The following JADE3 variants were observed in gnomAD, a reference collection of about 807,000 sequenced individuals.
JADE3 encodes the protein protein Jade-3.
In JADE3, 2 loss-of-function variants were observed where a neutral mutation model predicts 50.1. The observed-to-expected ratio is 0.04, with a 90% confidence interval of 0.02 to 0.13. JADE3 has a LOEUF of 0.13. Ranked by LOEUF, JADE3 falls within the 10% of genes least tolerant of loss-of-function variation. The pLI is 1.00. For synonymous variants in JADE3, 218 were observed against 232.9 expected (o/e 0.94, Z 0.58); for missense variants, 475 against 634.4 (o/e 0.75, Z 2.70).
At chrX:46,940,572 T>C (rs1386655778) in intron 1 of JADE3, among the ~76,000 whole-genome samples, 1 of 111,598 alleles carries the variant, frequency 9.0e-6, no homozygotes, top group Non-Finnish European at 1.9e-5. Flanking sequence ...TGAGGGTGTT[T>C]CTCTATGGCT....
intron 4 of JADE3, among the ~76,000 whole-genome samples, chrX:47,018,489 A>G (rs1409069876): frequency 2.7e-5 from 3 of 109,507 alleles, no homozygotes; most frequent in African/African-American, 1.0e-4. Context: ...ACCTGCCACC[A>G]CGCCCAGCTA....
Position 47,058,766 on chromosome X carries a change from A to C in JADE3, c.2161A>C (p.Asn721His). 1 of 1,207,882 alleles carries C rather than the reference A, an allele frequency of 8.3e-7. No homozygotes were observed. The highest frequency in any genetic ancestry group is 1.1e-6 in the Non-Finnish European group (1 of 892,002). ...HFSRSFKETT[N>H]RWVKNTEDLQ... ...TAGTAGGTCCTTTAAAGAGACCACCAATAGGTGGGTGAAGAACACAGAGGA... is the reference window on the plus strand; with the variant it reads ...TAGTAGGTCCTTTAAAGAGACCACCCATAGGTGGGTGAAGAACACAGAGGA... Residue 721 changes from asparagine (N) to histidine (H), a missense_variant, in exon 11 of 11, where the codon AAT (asparagine) becomes CAT (histidine). Asn to His is a moderately conservative substitution (Grantham distance 68). Coordinates refer to ENST00000614628, the MANE Select transcript of JADE3 (RefSeq NM_014735.5).
At chrX:47,044,695 C>T (rs984487263) in intron 8 of JADE3, among the ~76,000 whole-genome samples, 3 of 111,377 alleles carry the variant, frequency 2.7e-5, no homozygotes, top group Non-Finnish European at 5.7e-5. Flanking sequence ...AAAAGATTAG[C>T]CAGTCAAAAA....
chrX:46,929,009 C>A (rs1556339416), intron 1 of JADE3, among the ~76,000 whole-genome samples: 2 of 112,025 alleles, frequency 1.8e-5, no homozygotes, highest in Admixed American at 9.5e-5. Context: ...TGCTGCTTTG[C>A]CATGCTACCG....
intron 1 of JADE3, among the ~76,000 whole-genome samples, chrX:46,948,557 A>G (rs1556344058): frequency 8.9e-6 from 1 of 112,278 alleles, no homozygotes; most frequent in African/African-American, 3.2e-5. Context: ...AGTTCAGCAG[A>G]CAAGAATGTA....
chrX:47,030,731 A>G (rs1210065588), intron 6 of JADE3, among the ~76,000 whole-genome samples: 1 of 112,049 alleles, frequency 8.9e-6, no homozygotes, highest in Admixed American at 9.5e-5. Flanking sequence ...GATTTTAACA[A>G]TGAATTTAAC....
chrX:46,942,102 A>G (rs183312476), intron 1 of JADE3, among the ~76,000 whole-genome samples: 1 of 110,767 alleles, frequency 9.0e-6, no homozygotes, highest in African/African-American at 3.3e-5. Context: ...AGTTCCTTAT[A>G]GATTCTAGAT....
At chrX:47,017,891 C>A (rs192252480) in intron 4 of JADE3, among the ~76,000 whole-genome samples, 13 of 111,699 alleles carry the variant, frequency 1.2e-4, no homozygotes, top group Admixed American at 9.5e-4. Context: ...AAAAATGTCC[C>A]AAACTGAACT....
In JADE3 at chrX:47,049,755, CTTTTTTTTT is replaced by C. The variant is rs536912145; in HGVS notation, c.973-4387_973-4379del. ...GCCACTGCGCCTGGCTCTTCTTCTT[CTTTTTTTTT>C]TTTTTTTTTTTTTTTGAGAGGGAGT... On this transcript the variant is annotated intron_variant, in intron 8 of 10. Transcript: ENST00000614628. Among the ~76,000 whole-genome samples, 13 of 55,890 alleles carry C rather than the reference CTTTTTTTTT, an allele frequency of 2.3e-4. 1 individual carries two copies. The Admixed American group carries it at 3.1e-3, about 13-fold the overall frequency. 48.5% of individuals were successfully genotyped at this position (55,890 alleles called of 115,157 possible).
chrX:47,029,445 A>T (rs1246241298), intron 6 of JADE3, among the ~76,000 whole-genome samples: 2 of 111,731 alleles, frequency 1.8e-5, no homozygotes, highest in Non-Finnish European at 3.8e-5. Context: ...GTAGAGAGGG[A>T]TACAAGAGAC....
chrX:47,041,611 G>C (rs1929257509), intron 8 of JADE3, among the ~76,000 whole-genome samples: 1 of 110,765 alleles, frequency 9.0e-6, no homozygotes, highest in Non-Finnish European at 1.9e-5. Flanking sequence ...TCGAACTCCT[G>C]GCCTCAAGTG....
chrX:46,918,202 C>T (rs1602367292), intron 1 of JADE3, among the ~76,000 whole-genome samples: 1 of 111,562 alleles, frequency 9.0e-6, no homozygotes, highest in African/African-American at 3.3e-5. Flanking sequence ...CTCACTGATC[C>T]CTGTCACATG....
At chrX:47,054,686 C>T (rs1266200635) in intron 9 of JADE3, 58 bp downstream of exon 9, 1 of 716,233 alleles carries the variant, frequency 1.4e-6, no homozygotes, top group Non-Finnish European at 2.0e-6. Context: ...AATGGAGGTC[C>T]CACTTCTGGT....
At chrX:46,972,150 TATTTC>T (rs782608650) in intron 1 of JADE3, among the ~76,000 whole-genome samples, 92 of 112,294 alleles carry the variant, frequency 8.2e-4, no homozygotes, top group Non-Finnish European at 1.1e-3. Flanking sequence ...GGAAGAATAA[TATTTC>T]ATAACACATG....
intron 1 of JADE3, among the ~76,000 whole-genome samples, chrX:46,939,045 T>C (rs1314470399): frequency 7.1e-5 from 8 of 112,129 alleles, no homozygotes; most frequent in African/African-American, 2.6e-4. Flanking sequence ...CAGGCTGGTC[T>C]CAAACTCCTG....
intron 1 of JADE3, among the ~76,000 whole-genome samples, chrX:46,972,795 T>A (rs1245442629): frequency 9.0e-6 from 1 of 111,719 alleles, no homozygotes; most frequent in Non-Finnish European, 1.9e-5. Flanking sequence ...AGAGGGGATT[T>A]CACCATGTTG....
chrX:47,018,813 C>T (rs185630965), intron 4 of JADE3, among the ~76,000 whole-genome samples: 1 of 111,699 alleles, frequency 9.0e-6, no homozygotes, highest in Non-Finnish European at 1.9e-5. Context: ...TGGCTTCCCT[C>T]TGCTCCATGA....
chrX:46,984,830 C>T (rs370204351), intron 1 of JADE3, 54 bp from the exon 2 acceptor site: 7 of 921,815 alleles, frequency 7.6e-6, no homozygotes, highest in Non-Finnish European at 1.1e-5. Flanking sequence ...TGTTGACTGC[C>T]CTCTGGGATG....
chrX:46,922,911 A>G (rs1926254547), intron 1 of JADE3, among the ~76,000 whole-genome samples: 2 of 112,074 alleles, frequency 1.8e-5, no homozygotes, highest in African/African-American at 3.2e-5. Flanking sequence ...AAAGCTGAAC[A>G]TGGGCAGGAG....
Sources: allele counts gnomAD v4.1 joint callset (sites outside exome capture counted in the v4.1 genomes callset), GRCh38; gene constraint gnomAD v4.1.1; transcripts MANE v1.5; gene names NCBI Gene and HGNC (gene_info 2026-07-23, HGNC 2026-07-21).